Variants in USH2A observed in about 807,000 individuals in gnomAD.
USH2A encodes the protein Usher syndrome 2A (autosomal recessive, mild).
A neutral mutation model predicts 538.9 loss-of-function variants in USH2A; 443 were observed. That is an observed-to-expected ratio of 0.82 (90% CI 0.76 to 0.89). USH2A has a LOEUF of 0.89. USH2A is among the 40% of genes least tolerant of loss of function. The pLI is 0.00. For synonymous variants in USH2A, 2,413 were observed against 2,273.5 expected, an observed-to-expected ratio of 1.06 and a Z score of -1.75; for missense variants, 6,633 against 6,324.8, an observed-to-expected ratio of 1.05 and a Z score of -1.65.
chr1:215,845,631 T>C (rs1663817995), intron 45 of USH2A, among the ~76,000 whole-genome samples, 193 bp downstream of exon 45: 1 of 152,242 alleles, frequency 6.6e-6, no homozygotes, highest in Admixed American at 6.5e-5. Flanking sequence ...TTAGAGCTTG[T>C]GCTTCTGTCT....
chr1:216,089,217 A>C, intron 22 of USH2A, 78 bp from the exon 23 acceptor site: 1 of 1,466,996 alleles, frequency 6.8e-7, no homozygotes, highest in East Asian at 2.3e-5. Flanking sequence ...GTTATAAACC[A>C]ATTTACAAGT....
intron 49 of USH2A, among the ~76,000 whole-genome samples, chr1:215,805,306 C>G (rs1336587927): frequency 2.0e-5 from 3 of 151,570 alleles, no homozygotes; most frequent in Non-Finnish European, 3.0e-5. Flanking sequence ...AAAGAAAATG[C>G]ACTAAGTGAA....
At chr1:216,068,409 G>A (rs1402380218) in intron 30 of USH2A, among the ~76,000 whole-genome samples, 3 of 152,144 alleles carry the variant, frequency 2.0e-5, no homozygotes, top group Non-Finnish European at 4.4e-5. Context: ...CTCAAATGCT[G>A]GCATACATCA....
At chr1:215,655,722 A>ATTTTTTTTTTTT in intron 64 of USH2A, among the ~76,000 whole-genome samples, 1 of 103,692 alleles carries the variant, frequency 9.6e-6, no homozygotes, top group South Asian at 3.8e-4. Flanking sequence ...TGTGCTAGTT[A>ATTTTTTTTTTTT]TTCTTTTTTT....
chr1:215,862,224 A>G (rs976773641), intron 44 of USH2A, among the ~76,000 whole-genome samples: 9 of 152,184 alleles, frequency 5.9e-5, no homozygotes, highest in African/African-American at 2.2e-4. Flanking sequence ...TTCTTTATGC[A>G]TCTTCAACTC....
intron 35 of USH2A, among the ~76,000 whole-genome samples, chr1:215,979,143 G>C (rs889790499): frequency 2.0e-5 from 3 of 152,142 alleles, no homozygotes; most frequent in Non-Finnish European, 4.4e-5. Context: ...AGGTAAGACA[G>C]CTTTTGCAGG....
At chr1:215,735,256 G>T (rs1360009047) in intron 60 of USH2A, among the ~76,000 whole-genome samples, 1 of 152,062 alleles carries the variant, frequency 6.6e-6, no homozygotes, top group Admixed American at 6.6e-5. Flanking sequence ...ACTCCCCTTT[G>T]TTCCCTCAGT....
intron 4 of USH2A, among the ~76,000 whole-genome samples, chr1:216,335,558 T>G (rs1470388705): frequency 6.6e-6 from 1 of 151,376 alleles, no homozygotes; most frequent in Non-Finnish European, 1.5e-5. Context: ...AAGAGATGAC[T>G]CTAATGATTA....
intron 20 of USH2A, among the ~76,000 whole-genome samples, chr1:216,175,876 A>T (rs2034370379): frequency 6.6e-6 from 1 of 152,114 alleles, no homozygotes; most frequent in Admixed American, 6.6e-5. Flanking sequence ...CTGATGGCTC[A>T]TGGCTGCCCC....
At chr1:215,967,266 T>A (rs960018921) in intron 36 of USH2A, among the ~76,000 whole-genome samples, 6 of 152,170 alleles carry the variant, frequency 3.9e-5, no homozygotes, top group African/African-American at 1.4e-4. Flanking sequence ...CTTCCCAGGT[T>A]CAAGCTATTT....
intron 40 of USH2A, among the ~76,000 whole-genome samples, chr1:215,898,211 T>C (rs1665400645): frequency 6.6e-6 from 1 of 152,180 alleles, no homozygotes; most frequent in East Asian, 1.9e-4. Flanking sequence ...TGGTTATGAG[T>C]TGATACCTGC....
intron 37 of USH2A, among the ~76,000 whole-genome samples, chr1:215,950,491 T>A (rs530881388): frequency 6.7e-6 from 1 of 149,882 alleles, no homozygotes; most frequent in East Asian, 2.0e-4. Context: ...AATAACACAT[T>A]TATAATTGCT....
chr1:215,815,260 G>C (rs540422635), intron 48 of USH2A, among the ~76,000 whole-genome samples: 3 of 152,066 alleles, frequency 2.0e-5, no homozygotes, highest in Non-Finnish European at 4.4e-5. Flanking sequence ...AATAAGGTAT[G>C]ACATTTGCAT....
intron 60 of USH2A, among the ~76,000 whole-genome samples, chr1:215,731,478 A>G (rs1659993304): frequency 6.6e-6 from 1 of 152,196 alleles, no homozygotes. Context: ...CTGTGTTTAG[A>G]GAAATCACAT....
chr1:215,674,211 A>G lies in USH2A; in HGVS notation c.13700T>C (p.Leu4567Pro). The change falls in exon 63 of 72, where the codon CTC becomes CCC. Residue 4567 changes from leucine to proline, a missense_variant. By Grantham distance (98) the Leu-to-Pro change is moderately conservative. Coordinates refer to ENST00000307340, the MANE Select transcript of USH2A (RefSeq NM_206933.4). The part of the protein sequence containing the change: ...RTNGDIINYT[L>P]FIRELFERET... ...TCTTTCAAATAGTTCACGGATGAAG[A>G]GGGTATAATTGATGATATCACCATT... 2 of 1,614,146 alleles carry G rather than the reference A, an allele frequency of 1.2e-6. No homozygotes were observed. Among genetic ancestry groups the G allele is most frequent in the Non-Finnish European group, 1.7e-6 (2 of 1,180,022 alleles).
At chr1:216,099,652 A>G (rs940689533) in intron 21 of USH2A, among the ~76,000 whole-genome samples, 1 of 152,182 alleles carries the variant, frequency 6.6e-6, no homozygotes, top group Non-Finnish European at 1.5e-5. Flanking sequence ...TAGTAATTGA[A>G]AGGATAAACT....
chr1:215,844,758 A>G (rs1254894104), intron 45 of USH2A, among the ~76,000 whole-genome samples: 1 of 152,194 alleles, frequency 6.6e-6, no homozygotes, highest in African/African-American at 2.4e-5. Context: ...GGATATGATG[A>G]TAAATTATTC....
intron 32 of USH2A, among the ~76,000 whole-genome samples, chr1:216,003,605 C>T (rs558829774): frequency 6.6e-6 from 1 of 151,980 alleles, no homozygotes; most frequent in Admixed American, 6.6e-5. Flanking sequence ...AGGGACATGC[C>T]TGACACTCTT....
chr1:215,782,009 C>G (rs1385558354), intron 54 of USH2A, 33 bp downstream of exon 54: 5 of 1,613,192 alleles, frequency 3.1e-6, no homozygotes, highest in Non-Finnish European at 4.2e-6. Context: ...ACACTGAACC[C>G]CTTTTCCCAG....
Sources: gnomAD v4.1 joint callset for allele counts (sites outside exome capture counted in the v4.1 genomes callset) on GRCh38, gnomAD v4.1.1 for gene constraint, MANE v1.5 for transcripts, NCBI Gene and HGNC (gene_info 2026-07-23, HGNC 2026-07-21) for gene names.